Variants in CACNA2D3 observed in about 807,000 individuals in gnomAD.
CACNA2D3 encodes the protein voltage-dependent calcium channel subunit alpha-2/delta-3.
Under a neutral mutation model 160.6 loss-of-function variants are expected in CACNA2D3, and 60 were observed. That is an observed-to-expected ratio of 0.37 (90% confidence interval 0.30 to 0.46). The LOEUF (loss-of-function observed/expected upper bound fraction) is 0.46, where lower values mean the gene tolerates loss of function less well. Ranked by LOEUF, CACNA2D3 falls within the 20% of genes least tolerant of loss-of-function variation. CACNA2D3 has a pLI of 1.00. For missense variants in CACNA2D3, 1,205 were observed against 1,365.0 expected (o/e 0.88, Z 1.85); for synonymous variants, 558 against 492.9 (o/e 1.13, Z -1.75).
At chr3:54,984,707 C>T in intron 30 of CACNA2D3, 37 bp downstream of exon 30, 1 of 1,325,714 alleles carries the variant, frequency 7.5e-7, no homozygotes, top group Non-Finnish European at 1.1e-6. Flanking sequence ...AAGTAAGGAT[C>T]TCAGAATGTG....
intron 2 of CACNA2D3, among the ~76,000 whole-genome samples, chr3:54,285,112 G>A (rs1289196387): frequency 2.0e-5 from 3 of 152,196 alleles, no homozygotes; most frequent in Admixed American, 6.5e-5. Context: ...CACCGTGCGC[G>A]AGCCGAAGCA....
intron 27 of CACNA2D3, among the ~76,000 whole-genome samples, chr3:54,900,668 A>G (rs1700306402): frequency 6.6e-6 from 1 of 152,148 alleles, no homozygotes; most frequent in Non-Finnish European, 1.5e-5. Flanking sequence ...TGGGTTTACT[A>G]AAGAGAGCGA....
chr3:54,414,133 A>G (rs1699716882), intron 4 of CACNA2D3, among the ~76,000 whole-genome samples: 2 of 152,014 alleles, frequency 1.3e-5, no homozygotes, highest in South Asian at 2.1e-4. Flanking sequence ...AGAGAATGAT[A>G]TACTACATAG....
chr3:54,148,866 A>T (rs764800518), intron 2 of CACNA2D3, among the ~76,000 whole-genome samples: 8 of 151,342 alleles, frequency 5.3e-5, no homozygotes, highest in Non-Finnish European at 1.2e-4. Flanking sequence ...AATCCCAGCT[A>T]CTCAGGAGGC....
In CACNA2D3 at chr3:54,955,584, A is replaced by G. The variant is rs564971278; in HGVS notation, c.2450-12866A>G. On this transcript the variant is annotated intron_variant, in intron 27 of 37. Transcript: ENST00000474759. ...GAACGTTGATTCTGAGGCAGCTTCT[A>G]AGGTCTATCAGCATGTCAAAGCTCC... 2.0e-4 allele frequency among the ~76,000 whole-genome samples: 30 copies of G among 152,296 alleles called. 1 individual carries two copies. In the Middle Eastern group the frequency reaches 0.014, roughly 69 times the overall value.
intron 2 of CACNA2D3, among the ~76,000 whole-genome samples, chr3:54,301,302 GAAAA>G (rs58651715): frequency 7.1e-6 from 1 of 141,152 alleles, no homozygotes; most frequent in Non-Finnish European, 1.5e-5. Context: ...ACAAAAGACA[GAAAA>G]AAAAAAAAGA....
chr3:54,797,215 G>C (rs1702882209), intron 13 of CACNA2D3, among the ~76,000 whole-genome samples: 1 of 152,204 alleles, frequency 6.6e-6, no homozygotes, highest in African/African-American at 2.4e-5. Flanking sequence ...ATCAACAAGA[G>C]ACACAGGGTT....
rs114893188 is a variant in CACNA2D3, at chr3:54,134,804, G to A, written c.204+11210G>A. Among the ~76,000 whole-genome samples the A allele has an allele frequency of 6.6e-3, 1,005 of 152,278 alleles. 8 individuals are homozygous for A. The highest frequency in any genetic ancestry group is 0.023 in the African/African-American group (972 of 41,558). On this transcript the variant is annotated intron_variant, in intron 2 of 37. Coordinates refer to ENST00000474759, the MANE Select transcript of CACNA2D3 (RefSeq NM_018398.3). Reference sequence around the variant, plus strand: ...CATCCCTGCCCATCTGGGTCAGCACGCTAGAGGCATGCTAGAGTCTCCCCC... The same window carrying A: ...CATCCCTGCCCATCTGGGTCAGCACACTAGAGGCATGCTAGAGTCTCCCCC...
At chr3:54,862,378 T>TACACACAC (rs113055285) in intron 17 of CACNA2D3, among the ~76,000 whole-genome samples, 7 of 149,666 alleles carry the variant, frequency 4.7e-5, no homozygotes, top group East Asian at 2.0e-4. Context: ...TAAATAAAAT[T>TACACACAC]ACACACACAC....
intron 27 of CACNA2D3, among the ~76,000 whole-genome samples, chr3:54,939,047 G>T (rs1478297097): frequency 6.6e-6 from 1 of 152,146 alleles, no homozygotes; most frequent in Non-Finnish European, 1.5e-5. Context: ...TCTCCATTTG[G>T]GATAATGAGG....
At chr3:54,151,404 G>C (rs1226097591) in intron 2 of CACNA2D3, among the ~76,000 whole-genome samples, 1 of 151,378 alleles carries the variant, frequency 6.6e-6, no homozygotes, top group African/African-American at 2.4e-5. Flanking sequence ...AATAGGTAGA[G>C]GGATGGATAG....
At chr3:54,148,408 A>G (rs1447387719) in intron 2 of CACNA2D3, among the ~76,000 whole-genome samples, 1 of 152,200 alleles carries the variant, frequency 6.6e-6, no homozygotes, top group East Asian at 1.9e-4. Flanking sequence ...CAAAAAGGTG[A>G]CTGTGGAATC....
intron 2 of CACNA2D3, among the ~76,000 whole-genome samples, chr3:54,256,060 G>C (rs1413283917): frequency 6.6e-6 from 1 of 152,172 alleles, no homozygotes; most frequent in African/African-American, 2.4e-5. Flanking sequence ...AATAGGCTTT[G>C]TGAGAAATGA....
At chr3:54,272,211 T>G (rs903192174) in intron 2 of CACNA2D3, among the ~76,000 whole-genome samples, 2 of 152,226 alleles carry the variant, frequency 1.3e-5, no homozygotes, top group Middle Eastern at 3.2e-3. Context: ...TACCAGTCAC[T>G]GCCACCGTTG....
intron 4 of CACNA2D3, among the ~76,000 whole-genome samples, chr3:54,404,679 A>G (rs1699538737): frequency 6.6e-6 from 1 of 152,166 alleles, no homozygotes; most frequent in African/African-American, 2.4e-5. Context: ...TGGGAACAAA[A>G]GAAGTAAAAT....
chr3:54,162,055 G>C (rs1700355695), intron 2 of CACNA2D3, among the ~76,000 whole-genome samples: 1 of 152,216 alleles, frequency 6.6e-6, no homozygotes, highest in South Asian at 2.1e-4. Flanking sequence ...GACAAGGCAA[G>C]AGATGGAATT....
At chr3:54,765,056 G>A (rs547487718) in intron 13 of CACNA2D3, among the ~76,000 whole-genome samples, 1 of 152,188 alleles carries the variant, frequency 6.6e-6, no homozygotes, top group African/African-American at 2.4e-5. Context: ...TTGATTGTAA[G>A]TGTTCTCACA....
chr3:54,243,008 A>G (rs1702001321), intron 2 of CACNA2D3, among the ~76,000 whole-genome samples: 2 of 152,254 alleles, frequency 1.3e-5, no homozygotes, highest in African/African-American at 2.4e-5. Context: ...TCTCAATAGC[A>G]GAGATACAGG....
At chr3:54,482,191 G>A (rs770717847) in intron 4 of CACNA2D3, among the ~76,000 whole-genome samples, 1 of 152,206 alleles carries the variant, frequency 6.6e-6, no homozygotes, top group Non-Finnish European at 1.5e-5. Context: ...TTACTTGGGA[G>A]CAGAGGAGGG....
Sources: gnomAD v4.1 joint callset for allele counts (sites outside exome capture counted in the v4.1 genomes callset) on GRCh38, gnomAD v4.1.1 for gene constraint, MANE v1.5 for transcripts, NCBI Gene and HGNC (gene_info 2026-07-23, HGNC 2026-07-21) for gene names.